Variants in FAAH2 observed in about 807,000 individuals in gnomAD.
The protein encoded by FAAH2 is fatty acid amide hydrolase 2.
In FAAH2, 60 loss-of-function variants were observed where a neutral mutation model predicts 36.9. The ratio of observed to expected loss-of-function variants is 1.63; its 90% CI spans 1.32 to 2.02. The LOEUF is 2.02. Ranked by LOEUF, FAAH2 falls within the 30% of genes most tolerant of loss-of-function variation. The pLI, the probability that FAAH2 is intolerant of heterozygous loss-of-function variation, is 0.00. For missense variants in FAAH2, 689 were observed against 397.5 expected (o/e 1.73, Z -6.23); for synonymous variants, 214 against 143.8 (o/e 1.49, Z -3.49).
intron 8 of FAAH2, among the ~76,000 whole-genome samples, chrX:57,441,666 G>T (rs1306082381): frequency 9.1e-6 from 1 of 109,815 alleles, no homozygotes; most frequent in African/African-American, 3.3e-5. Context: ...GAATGTGTTG[G>T]CTCTTGCTTC....
the FAAH2 span, among the ~76,000 whole-genome samples, chrX:57,130,325 T>C: frequency 8.9e-6 from 1 of 112,350 alleles, no homozygotes; most frequent in Middle Eastern, 4.6e-3. Flanking sequence ...GGTGAGAAGA[T>C]TTTAGTTTCC....
At chrX:57,349,073 T>TA (rs2053910344) in intron 5 of FAAH2, among the ~76,000 whole-genome samples, 2 of 64,163 alleles carry the variant, frequency 3.1e-5, no homozygotes, top group Non-Finnish European at 6.4e-5. Flanking sequence ...ATATATATAT[T>TA]ATATATACAC....
At chrX:57,151,736 C>T in the FAAH2 span, among the ~76,000 whole-genome samples, 2 of 111,092 alleles carry the variant, frequency 1.8e-5, no homozygotes, top group East Asian at 2.8e-4. Flanking sequence ...GTAGTTTGAT[C>T]GTCTGAAGCC....
At chrX:57,448,287 T>C (rs956849692) in intron 9 of FAAH2, among the ~76,000 whole-genome samples, 1 of 112,375 alleles carries the variant, frequency 8.9e-6, no homozygotes, top group African/African-American at 3.2e-5. Context: ...GGTTTTCAAT[T>C]ATGTGAAAAA....
chrX:57,152,598 C>T, the FAAH2 span, among the ~76,000 whole-genome samples: 5 of 112,304 alleles, frequency 4.5e-5, no homozygotes, highest in African/African-American at 1.6e-4. Flanking sequence ...CTTGGTGTCC[C>T]ATTTTTTAAG....
chrX:57,439,093 T>C (rs2069536430), intron 8 of FAAH2, among the ~76,000 whole-genome samples: 1 of 110,877 alleles, frequency 9.0e-6, no homozygotes, highest in Admixed American at 9.7e-5. Context: ...GTAGCATGAT[T>C]TATAATCCTT....
chrX:57,314,630 T>C (rs1245403962), intron 3 of FAAH2, among the ~76,000 whole-genome samples: 1 of 111,266 alleles, frequency 9.0e-6, no homozygotes, highest in Admixed American at 9.6e-5. Flanking sequence ...AACTCCTAGA[T>C]GGACATTGAA....
At chrX:57,398,214 A>G (rs774966322) in intron 7 of FAAH2, among the ~76,000 whole-genome samples, 1 of 112,320 alleles carries the variant, frequency 8.9e-6, no homozygotes, top group East Asian at 2.8e-4. Flanking sequence ...TGTTTATTGC[A>G]GCACTATTCA....
intron 8 of FAAH2, among the ~76,000 whole-genome samples, chrX:57,433,761 T>A (rs2056352072): frequency 8.9e-6 from 1 of 112,524 alleles, no homozygotes; most frequent in Non-Finnish European, 1.9e-5. Flanking sequence ...TTGCAGTTTC[T>A]TGTGCATTTG....
At chrX:57,368,369 G>T in intron 5 of FAAH2, among the ~76,000 whole-genome samples, 1 of 110,571 alleles carries the variant, frequency 9.0e-6, no homozygotes. Flanking sequence ...ACAAGCTTGT[G>T]GGCAAGCTCA....
At position 57,292,610 on chromosome X, in the gene FAAH2, T is replaced by C. The variant is rs367901897; in HGVS notation, c.275+30T>C. ...GCATTTCCACTCTCTCAAGGAGTCATTTATGGTGGTTTTTGTTCTACTTCT... is the reference window on the plus strand; with the variant it reads ...GCATTTCCACTCTCTCAAGGAGTCACTTATGGTGGTTTTTGTTCTACTTCT... On this transcript the variant is annotated intron_variant, in intron 2 of 10. Coordinates refer to ENST00000374900, the MANE Select transcript of FAAH2 (RefSeq NM_174912.4). The C allele has an allele frequency of 9.7e-6, 11 of 1,137,369 alleles. No homozygotes were observed. The African/African-American group carries it at 1.6e-4, about 17-fold the overall frequency. 93.7% of individuals were successfully genotyped at this position (1,137,369 alleles called of 1,213,427 possible).
the FAAH2 span, among the ~76,000 whole-genome samples, chrX:57,155,100 T>C: frequency 8.9e-6 from 1 of 112,057 alleles, no homozygotes; most frequent in African/African-American, 3.2e-5. Context: ...GAGAGTTAAA[T>C]GGACTCTGTG....
At chrX:57,182,434 A>C in the FAAH2 span, among the ~76,000 whole-genome samples, 8 of 112,011 alleles carry the variant, frequency 7.1e-5, no homozygotes, top group African/African-American at 9.7e-5. Flanking sequence ...CAAAACATGC[A>C]TGCAGCCAAC....
chrX:57,198,394 T>C, the FAAH2 span, among the ~76,000 whole-genome samples: 1 of 111,670 alleles, frequency 9.0e-6, no homozygotes, highest in Non-Finnish European at 1.9e-5. Flanking sequence ...TCCCATTCAG[T>C]CAACCTAGCC....
chrX:57,232,072 C>G, the FAAH2 span, among the ~76,000 whole-genome samples: 1 of 111,628 alleles, frequency 9.0e-6, no homozygotes, highest in South Asian at 3.7e-4. Flanking sequence ...TGTCTTTTGA[C>G]TGAAAGGCCC....
At chrX:57,290,274 G>A (rs2051937371) in intron 1 of FAAH2, 3 of 751,224 alleles carry the variant, frequency 4.0e-6, no homozygotes, top group Non-Finnish European at 4.7e-6. Context: ...AGATCTTTGG[G>A]GTTGTATACG....
rs1401419852 is a variant in FAAH2 at position 57,446,985 on chromosome X, T to C, written c.1174T>C (p.Trp392Arg). The C allele has an allele frequency of 8.3e-7, 1 of 1,210,585 alleles. No homozygotes were observed. The highest frequency in any genetic ancestry group is 2.2e-5 in the Admixed American group (1 of 45,946). Reference sequence around the variant, plus strand: ...CCATGGGAAACATGTCAGTCCTCTGTGGGAGTTGATCAAATGGTGCCTGGG... The same window carrying C: ...CCATGGGAAACATGTCAGTCCTCTGCGGGAGTTGATCAAATGGTGCCTGGG... ...GDHGKHVSPL[W>R]ELIKWCLGLS... Residue 392 changes from tryptophan to arginine, a missense_variant, in exon 9 of 11, where the codon TGG becomes CGG. Trp to Arg is a moderately radical substitution (Grantham distance 101). Coordinates refer to ENST00000374900, the MANE Select transcript of FAAH2 (RefSeq NM_174912.4).
the FAAH2 span, among the ~76,000 whole-genome samples, chrX:57,261,552 C>CAAAAAAAAAA: frequency 2.7e-3 from 64 of 23,378 alleles, no homozygotes; most frequent in East Asian, 2.9e-3. Context: ...GACTCTGTCT[C>CAAAAAAAAAA]AAAAAAAAAA....
At chrX:57,375,731 A>G (rs1396774379) in intron 5 of FAAH2, among the ~76,000 whole-genome samples, 2 of 111,339 alleles carry the variant, frequency 1.8e-5, no homozygotes, top group Non-Finnish European at 3.8e-5. Context: ...TTGATAAAAT[A>G]TTTGGCCCTT....
Sources: gnomAD v4.1 joint callset for allele counts (sites outside exome capture counted in the v4.1 genomes callset) on GRCh38, gnomAD v4.1.1 for gene constraint, MANE v1.5 for transcripts, NCBI Gene and HGNC (gene_info 2026-07-23, HGNC 2026-07-21) for gene names.